The following RELL1 variants were observed in gnomAD, a reference collection of about 807,000 sequenced individuals.
The protein encoded by RELL1 is RELT-like protein 1.
Under a neutral mutation model 23.0 loss-of-function variants are expected in RELL1, and 10 were observed. That is an observed-to-expected ratio of 0.43 (90% CI 0.27 to 0.74). The LOEUF (loss-of-function observed/expected upper bound fraction) is 0.74. Ranked by LOEUF, RELL1 falls within the 30% of genes least tolerant of loss-of-function variation. RELL1 has a pLI of 0.19. For missense variants in RELL1, 315 were observed against 364.4 expected (o/e 0.86, Z 1.10); for synonymous variants, 146 against 146.8 (o/e 0.99, Z 0.04).
chr4:37,685,480 A>G (rs1577617780), intron 1 of RELL1, among the ~76,000 whole-genome samples: 1 of 152,350 alleles, frequency 6.6e-6, no homozygotes, highest in East Asian at 1.9e-4. Context: ...ATTGATTTCA[A>G]TTAAAAACTG....
chr4:37,673,067 A>G (rs1478086432), intron 1 of RELL1, among the ~76,000 whole-genome samples: 1 of 152,108 alleles, frequency 6.6e-6, no homozygotes, highest in Non-Finnish European at 1.5e-5. Context: ...GCTGATTTGT[A>G]TAATTTGAAG....
chr4:37,672,365 C>A (rs1351934033), intron 1 of RELL1, among the ~76,000 whole-genome samples: 3 of 152,090 alleles, frequency 2.0e-5, no homozygotes, highest in Non-Finnish European at 4.4e-5. Context: ...GTTCCTATCA[C>A]TCAAGAAATC....
intron 5 of RELL1, among the ~76,000 whole-genome samples, chr4:37,632,304 T>TCACAA (rs1362202315): frequency 1.3e-5 from 2 of 151,588 alleles, no homozygotes; most frequent in African/African-American, 4.9e-5. Context: ...CTCAAGTAGC[T>TCACAA]GGGATTACAG....
At chr4:37,655,574 A>G (rs1298363777) in intron 1 of RELL1, among the ~76,000 whole-genome samples, 1 of 152,242 alleles carries the variant, frequency 6.6e-6, no homozygotes, top group Non-Finnish European at 1.5e-5. Context: ...CATAGCCCTC[A>G]GAAGGAGGAA....
intron 4 of RELL1, 120 bp from the exon 5 acceptor site, chr4:37,635,243 A>G (rs1403038887): frequency 4.0e-6 from 3 of 754,618 alleles, no homozygotes; most frequent in African/African-American, 1.7e-5. Flanking sequence ...GCGTCTTCCA[A>G]TTGTACAAAT....
At chr4:37,657,936 C>T (rs989086742) in intron 1 of RELL1, among the ~76,000 whole-genome samples, 2 of 152,024 alleles carry the variant, frequency 1.3e-5, no homozygotes, top group African/African-American at 4.8e-5. Flanking sequence ...CACACATATA[C>T]ACACACACTA....
intron 1 of RELL1, among the ~76,000 whole-genome samples, chr4:37,671,126 G>T (rs1721820314): frequency 1.3e-5 from 2 of 152,180 alleles, no homozygotes; most frequent in African/African-American, 4.8e-5. Context: ...AATCCCACAA[G>T]ACTGACCCCA....
chr4:37,623,799 G>T (rs1002397072), intron 6 of RELL1, among the ~76,000 whole-genome samples: 1 of 152,114 alleles, frequency 6.6e-6, no homozygotes, highest in Non-Finnish European at 1.5e-5. Flanking sequence ...CCTACTTTAG[G>T]TGCAGTTTCT....
intron 3 of RELL1, among the ~76,000 whole-genome samples, chr4:37,639,532 A>C (rs1049133795): frequency 9.2e-5 from 14 of 151,718 alleles, no homozygotes; most frequent in Admixed American, 3.9e-4. Flanking sequence ...AAAAAAAAAA[A>C]CCTAATCTAA....
chr4:37,667,667 T>C (rs1239347959), intron 1 of RELL1, among the ~76,000 whole-genome samples: 1 of 151,826 alleles, frequency 6.6e-6, no homozygotes, highest in African/African-American at 2.4e-5. Context: ...GAATGGCATT[T>C]CCTAGTGAGT....
At chr4:37,587,370 A>C (rs55901789), downstream of RELL1, among the ~76,000 whole-genome samples, 1,171 of 152,268 alleles carry the variant, frequency 7.7e-3, 21 homozygotes, top group African/African-American at 0.027. Flanking sequence ...GGATGTGGAT[A>C]TCTTTGGGGG....
chr4:37,670,821 C>T (rs1323590810), intron 1 of RELL1, among the ~76,000 whole-genome samples: 1 of 152,172 alleles, frequency 6.6e-6, no homozygotes, highest in African/African-American at 2.4e-5. Context: ...ATCTGCCCGC[C>T]TTGACCTCCC....
chr4:37,589,537 T>G (rs777322470), downstream of RELL1, among the ~76,000 whole-genome samples: 1 of 152,222 alleles, frequency 6.6e-6, no homozygotes, highest in African/African-American at 2.4e-5. Flanking sequence ...TTTATTTGTT[T>G]TTTATTTTAA....
intron 6 of RELL1, among the ~76,000 whole-genome samples, chr4:37,627,719 C>G (rs1247158496): frequency 1.3e-5 from 2 of 152,166 alleles, no homozygotes; most frequent in Non-Finnish European, 2.9e-5. Context: ...AGAAACCTAA[C>G]CAATAAGTGG....
chr4:37,655,319 A>C (rs186535534), intron 1 of RELL1, among the ~76,000 whole-genome samples: 23 of 152,182 alleles, frequency 1.5e-4, no homozygotes, highest in Non-Finnish European at 1.2e-4. Flanking sequence ...CTAAATTTAT[A>C]TGTTGAGCTC....
chr4:37,657,463 G>A (rs569759640), intron 1 of RELL1, among the ~76,000 whole-genome samples: 1 of 152,344 alleles, frequency 6.6e-6, no homozygotes, highest in African/African-American at 2.4e-5. Flanking sequence ...TTTATATGTA[G>A]AAGGGAAGGA....
At chr4:37,643,799 A>C (rs534709165) in intron 3 of RELL1, among the ~76,000 whole-genome samples, 2 of 152,342 alleles carry the variant, frequency 1.3e-5, no homozygotes, top group South Asian at 4.1e-4. Flanking sequence ...TAAACTGGTA[A>C]GAGATCAAGG....
chr4:37,633,088 AAG>A (rs1720195889), intron 5 of RELL1, among the ~76,000 whole-genome samples: 3 of 152,292 alleles, frequency 2.0e-5, no homozygotes, highest in Admixed American at 2.0e-4. Context: ...ATATCCAAGA[AAG>A]AGAGTTGGAT....
At chr4:37,642,438 G>C (rs967558255) in intron 3 of RELL1, among the ~76,000 whole-genome samples, 2 of 152,136 alleles carry the variant, frequency 1.3e-5, no homozygotes, top group Non-Finnish European at 2.9e-5. Context: ...GATTCAGTTC[G>C]GCTCTATTTA....
Sources: allele counts gnomAD v4.1 joint callset (sites outside exome capture counted in the v4.1 genomes callset), GRCh38; gene constraint gnomAD v4.1.1; transcripts MANE v1.5; gene names NCBI Gene and HGNC (gene_info 2026-07-23, HGNC 2026-07-21).